IPO11: variants seen among roughly 807,000 people sequenced by gnomAD.
IPO11 encodes importin 11, also known as importin-11.
In IPO11, 66 loss-of-function variants were observed where a neutral mutation model predicts 143.2. That is an observed-to-expected ratio of 0.46 (90% CI 0.38 to 0.57). IPO11 has a LOEUF of 0.57. IPO11 is among the 20% of genes least tolerant of loss of function. IPO11 has a pLI of 0.00. For missense variants in IPO11, 1,026 were observed against 1,141.0 expected (o/e 0.90, Z 1.45); for synonymous variants, 385 against 377.8 (o/e 1.02, Z -0.22).
At chr5:62,476,067 A>G (rs1745947104) in intron 8 of IPO11, among the ~76,000 whole-genome samples, 1 of 152,252 alleles carries the variant, frequency 6.6e-6, no homozygotes, top group African/African-American at 2.4e-5. Flanking sequence ...TATGCATGGA[A>G]AGATGAATAA....
chr5:62,508,581 TTCC>T (rs1408997414), intron 19 of IPO11, among the ~76,000 whole-genome samples: 2 of 151,900 alleles, frequency 1.3e-5, no homozygotes, highest in Non-Finnish European at 2.9e-5. Flanking sequence ...TCTTCCTCCC[TTCC>T]TCCTTTCCTC....
intron 29 of IPO11, among the ~76,000 whole-genome samples, chr5:62,606,053 G>GT (rs1554058278): frequency 1.5e-4 from 22 of 151,634 alleles, no homozygotes; most frequent in African/African-American, 4.6e-4. Context: ...TTATTACTTG[G>GT]TTTTTTTTAA....
At chr5:62,471,083 T>C (rs1166291768) in intron 7 of IPO11, among the ~76,000 whole-genome samples, 7 of 151,682 alleles carry the variant, frequency 4.6e-5, no homozygotes, top group African/African-American at 1.5e-4. Flanking sequence ...CCTTTTTGGC[T>C]TCCGAAAGTG....
intron 5 of IPO11, among the ~76,000 whole-genome samples, chr5:62,453,559 C>T (rs553468938): frequency 1.3e-5 from 2 of 152,222 alleles, no homozygotes; most frequent in Admixed American, 1.3e-4. Context: ...TCAATTTTGT[C>T]TTGGGCTCAC....
intron 29 of IPO11, among the ~76,000 whole-genome samples, chr5:62,616,441 A>T (rs975881002): frequency 2.6e-5 from 4 of 152,162 alleles, no homozygotes; most frequent in Non-Finnish European, 4.4e-5. Flanking sequence ...TGTGATAAAA[A>T]CCAATGAGAT....
At chr5:62,513,066 C>A (rs1375012138) in intron 19 of IPO11, among the ~76,000 whole-genome samples, 1 of 150,356 alleles carries the variant, frequency 6.7e-6, no homozygotes, top group Admixed American at 6.6e-5. Context: ...AAACCGCCAT[C>A]GTCATCATGG....
chr5:62,456,705 A>G (rs1745171214), intron 5 of IPO11, among the ~76,000 whole-genome samples: 1 of 152,184 alleles, frequency 6.6e-6, no homozygotes, highest in East Asian at 1.9e-4. Flanking sequence ...TGTACAAGAG[A>G]TATGTACAAT....
intron 21 of IPO11, among the ~76,000 whole-genome samples, chr5:62,530,022 A>G (rs1330831231): frequency 6.6e-6 from 1 of 152,164 alleles, no homozygotes; most frequent in South Asian, 2.1e-4. Context: ...TTGTTGTACT[A>G]AGTTCATATT....
chr5:62,599,045 G>A (rs920184638), intron 28 of IPO11, among the ~76,000 whole-genome samples: 5 of 152,134 alleles, frequency 3.3e-5, no homozygotes, highest in Non-Finnish European at 5.9e-5. Flanking sequence ...TCAACATGAC[G>A]GAGGAAATGA....
chr5:62,623,835 C>T (rs1458985894), intron 29 of IPO11, among the ~76,000 whole-genome samples: 1 of 151,858 alleles, frequency 6.6e-6, no homozygotes, highest in African/African-American at 2.4e-5. Flanking sequence ...GTTGGCCAGG[C>T]CAGTCTCAAA....
intron 27 of IPO11, among the ~76,000 whole-genome samples, chr5:62,565,389 G>A (rs1245638395): frequency 6.6e-6 from 1 of 152,168 alleles, no homozygotes; most frequent in Admixed American, 6.5e-5. Context: ...AGGAGGCTGA[G>A]GCAGGAGAAT....
chr5:62,484,232 G>A, intron 11 of IPO11, 70 bp downstream of exon 11: 3 of 1,233,964 alleles, frequency 2.4e-6, no homozygotes, highest in Non-Finnish European at 3.3e-6. Context: ...TGAGTGATAG[G>A]TATAATATTG....
rs1743390762 is a variant in IPO11 at position 62,418,869 on chromosome 5, GGGGTTTCT to G, written c.-7+5942_-7+5949del. 4 of 896,774 alleles carry G rather than the reference GGGGTTTCT, an allele frequency of 4.5e-6. No individual in the cohort carries two copies. The South Asian group carries it at 5.6e-5, about 13-fold the overall frequency. The allele number at this position is 896,774 out of a possible 1,614,324, so 55.6% of individuals were successfully genotyped here. On this transcript the variant is annotated intron_variant, in intron 1 of 29. Coordinates refer to ENST00000325324, the MANE Select transcript of IPO11 (RefSeq NM_016338.5). ...CTCCTTATTCTTATATGCCTGTGCA[GGGGTTTCT>G]GTGATTATAGCACCAGGTGTGAAAC...
intron 1 of IPO11, chr5:62,418,912 A>G (rs1743392028): frequency 1.4e-6 from 2 of 1,384,378 alleles, no homozygotes; most frequent in African/African-American, 1.4e-5. Flanking sequence ...CTGCTGGGTC[A>G]TAGAAGATAC....
At chr5:62,470,346 G>C in intron 7 of IPO11, 38 bp downstream of exon 7, 1 of 1,568,084 alleles carries the variant, frequency 6.4e-7, no homozygotes, top group Non-Finnish European at 8.8e-7. Flanking sequence ...CTTTGGGAAA[G>C]TGGTATTTTC....
At chr5:62,572,787 T>A (rs1744182254) in intron 27 of IPO11, among the ~76,000 whole-genome samples, 1 of 152,064 alleles carries the variant, frequency 6.6e-6, no homozygotes, top group Non-Finnish European at 1.5e-5. Flanking sequence ...TTCGCCATGT[T>A]GCTCAGGCTG....
intron 6 of IPO11, among the ~76,000 whole-genome samples, chr5:62,469,391 G>A (rs977612017): frequency 3.3e-5 from 5 of 152,258 alleles, no homozygotes; most frequent in African/African-American, 1.2e-4. Context: ...CTTACAAACC[G>A]AAGGTCTAGT....
chr5:62,497,747 C>T (rs1015987644), intron 16 of IPO11, among the ~76,000 whole-genome samples: 3 of 152,230 alleles, frequency 2.0e-5, no homozygotes, highest in Non-Finnish European at 2.9e-5. Context: ...GGATTATAGG[C>T]ATTGGCCCCT....
At chr5:62,626,716 A>G (rs1580406817) in intron 29 of IPO11, among the ~76,000 whole-genome samples, 1 of 151,606 alleles carries the variant, frequency 6.6e-6, no homozygotes, top group East Asian at 1.9e-4. Context: ...ATAGTATTGC[A>G]ATCCAGGGTA....
Sources: allele counts gnomAD v4.1 joint callset (sites outside exome capture counted in the v4.1 genomes callset), GRCh38; gene constraint gnomAD v4.1.1; transcripts MANE v1.5; gene names NCBI Gene and HGNC (gene_info 2026-07-23, HGNC 2026-07-21).